LGR4: variants seen among roughly 807,000 people sequenced by gnomAD.
LGR4 encodes leucine rich repeat containing G protein-coupled receptor 4.
A neutral mutation model predicts 84.8 loss-of-function variants in LGR4; 44 were observed. The observed-to-expected ratio is 0.52, with a 90% confidence interval of 0.41 to 0.67. LGR4 has a LOEUF of 0.67. Ranked by LOEUF, LGR4 falls within the 30% of genes least tolerant of loss-of-function variation. The pLI, the probability that LGR4 is intolerant of heterozygous loss-of-function variation, is 0.00. For synonymous variants in LGR4, 429 were observed against 434.3 expected (o/e 0.99, Z 0.15); for missense variants, 1,032 against 1,131.4 (o/e 0.91, Z 1.26).
intron 13 of LGR4, among the ~76,000 whole-genome samples, chr11:27,375,679 T>C (rs529378534): frequency 3.5e-4 from 53 of 152,330 alleles, no homozygotes; most frequent in Non-Finnish European, 7.1e-4. Flanking sequence ...GGCCTGGCAG[T>C]GTTCAATTAA....
chr11:27,388,726 T>C (rs763687027), intron 4 of LGR4, among the ~76,000 whole-genome samples: 6 of 152,166 alleles, frequency 3.9e-5, no homozygotes, highest in Non-Finnish European at 8.8e-5. Flanking sequence ...ACCTGTATAA[T>C]CAAAAGATCT....
intron 1 of LGR4, among the ~76,000 whole-genome samples, chr11:27,445,485 G>A (rs1864374615): frequency 6.6e-6 from 1 of 152,090 alleles, no homozygotes; most frequent in Non-Finnish European, 1.5e-5. Flanking sequence ...AAAGCTCTTA[G>A]CATGATATCT....
At chr11:27,397,408 G>C (rs1863412064) in intron 2 of LGR4, among the ~76,000 whole-genome samples, 1 of 152,232 alleles carries the variant, frequency 6.6e-6, no homozygotes, top group African/African-American at 2.4e-5. Flanking sequence ...CATGAGCAGG[G>C]ACTAGGTCAT....
chr11:27,471,406 T>C (rs1255725175), intron 1 of LGR4, among the ~76,000 whole-genome samples: 2 of 152,212 alleles, frequency 1.3e-5, no homozygotes, highest in Non-Finnish European at 2.9e-5. Flanking sequence ...ATTCCTTCTT[T>C]AAAAGGCCTT....
intron 1 of LGR4, among the ~76,000 whole-genome samples, chr11:27,435,245 A>C (rs1392487851): frequency 3.3e-5 from 5 of 151,906 alleles, no homozygotes; most frequent in African/African-American, 1.2e-4. Context: ...AGGAAGGAGA[A>C]TAGCTTGAAC....
rs1214179391 is a variant in LGR4, at chr11:27,369,154, C to A, written c.1580-11G>T. 5 of 1,560,750 alleles carry A rather than the reference C, an allele frequency of 3.2e-6. No homozygotes were observed. The highest frequency in any genetic ancestry group is 1.4e-5 in the African/African-American group (1 of 72,660). ...AGGGCTTAAAAGCACCTAAAAAAAA[C>A]ACACACAGAGAGAGAGAAATAAAAG... On this transcript the variant is annotated splice_polypyrimidine_tract_variant and intron_variant, in intron 17 of 17. Coordinates refer to ENST00000379214, the MANE Select transcript of LGR4 (RefSeq NM_018490.5).
At chr11:27,447,631 A>G (rs139121695) in intron 1 of LGR4, among the ~76,000 whole-genome samples, 2,670 of 152,286 alleles carry the variant, frequency 0.018, 56 homozygotes, top group Middle Eastern at 0.037. Context: ...TTATTCCTTT[A>G]CATTCTTAAT....
At chr11:27,417,075 C>A (rs992199550) in intron 1 of LGR4, among the ~76,000 whole-genome samples, 1 of 152,064 alleles carries the variant, frequency 6.6e-6, no homozygotes, top group East Asian at 1.9e-4. Context: ...TTAAATATAC[C>A]GTGATTGACC....
At chr11:27,381,429 T>TCAC (rs1315251393) in intron 7 of LGR4, among the ~76,000 whole-genome samples, 2 of 152,202 alleles carry the variant, frequency 1.3e-5, no homozygotes, top group Non-Finnish European at 2.9e-5. Context: ...GCACAGTGGC[T>TCAC]CACGCCTGTA....
chr11:27,400,672 T>C (rs757454962), intron 2 of LGR4, among the ~76,000 whole-genome samples: 46 of 152,060 alleles, frequency 3.0e-4, no homozygotes, highest in Non-Finnish European at 5.3e-4. Context: ...CTAGCTAATT[T>C]TTGTATTTTT....
intron 1 of LGR4, among the ~76,000 whole-genome samples, chr11:27,448,974 T>C (rs1378547725): frequency 6.6e-6 from 1 of 152,154 alleles, no homozygotes; most frequent in Non-Finnish European, 1.5e-5. Flanking sequence ...TTTTTACATC[T>C]TTTCTGATTT....
rs568680202 is a variant in LGR4, at chr11:27,391,118, C to G, written c.377G>C (p.Arg126Pro). ...CAAAGACTGCAAAGCACTCAGCCCT[C>G]GAATGGCTTCACTGGGTACTGTTTT... Reference protein sequence around the residue: ...QLKTVPSEAIRGLSALQSLRL... With the variant: ...QLKTVPSEAIPGLSALQSLRL... The change falls in exon 4 of 18, where the codon CGA (arginine) becomes CCA (proline). Residue 126 changes from arginine (R) to proline (P), a missense_variant. Physicochemically the swap from Arg to Pro is moderately radical, Grantham distance 103 (BLOSUM62 -2). Transcript: ENST00000379214. The G allele has an allele frequency of 1.9e-6, 3 of 1,609,798 alleles. No homozygotes were observed. The Admixed American group carries it at 5.0e-5, about 27-fold the overall frequency.
intron 1 of LGR4, among the ~76,000 whole-genome samples, chr11:27,420,048 A>G (rs1447164299): frequency 6.6e-6 from 1 of 152,180 alleles, no homozygotes; most frequent in African/African-American, 2.4e-5. Flanking sequence ...TTGTATATTA[A>G]AAAGTGTGAA....
Position 27,472,338 on chromosome 11 carries a change from G to C in LGR4, c.-36C>G. 1 of 1,191,848 alleles carries C rather than the reference G, an allele frequency of 8.4e-7. No individual in the cohort carries two copies. Among genetic ancestry groups the C allele is most frequent in the Non-Finnish European group, 1.0e-6 (1 of 961,520 alleles). 73.8% of individuals were successfully genotyped at this position (1,191,848 alleles called of 1,614,324 possible). A position where few individuals can be genotyped will look rare whatever the true frequency, so the allele number is the denominator to read the frequency against. ...GCCTCCCGCGCCGGCCTCTCCCGCG[G>C]CGCTGCTCGCTCCGCTGCCCTCCGA... On this transcript the variant is annotated 5_prime_UTR_variant, in exon 1 of 18. Coordinates refer to ENST00000379214, the MANE Select transcript of LGR4 (RefSeq NM_018490.5).
chr11:27,382,523 T>A (rs1863116537), intron 6 of LGR4, among the ~76,000 whole-genome samples: 1 of 152,232 alleles, frequency 6.6e-6, no homozygotes, highest in Non-Finnish European at 1.5e-5. Flanking sequence ...GAATCATGTA[T>A]TACTGATGCA....
intron 13 of LGR4, among the ~76,000 whole-genome samples, chr11:27,374,738 G>A (rs935665338): frequency 3.9e-5 from 6 of 152,018 alleles, no homozygotes; most frequent in African/African-American, 1.2e-4. Context: ...TCCAAATCAC[G>A]AAAAGACCAG....
At chr11:27,392,570 A>G in intron 2 of LGR4, 52 bp from the exon 3 acceptor site, 6 of 1,445,958 alleles carry the variant, frequency 4.1e-6, no homozygotes, top group Non-Finnish European at 5.6e-6. Flanking sequence ...ATTCAGACTT[A>G]AAATTCAGAA....
intron 1 of LGR4, among the ~76,000 whole-genome samples, chr11:27,417,119 T>C (rs919355657): frequency 7.2e-5 from 11 of 152,148 alleles, no homozygotes; most frequent in African/African-American, 2.7e-4. Flanking sequence ...GCCCTCCTAT[T>C]TGTATTAGAT....
At chr11:27,436,932 G>A (rs952944948) in intron 1 of LGR4, among the ~76,000 whole-genome samples, 1 of 152,078 alleles carries the variant, frequency 6.6e-6, no homozygotes, top group Non-Finnish European at 1.5e-5. Flanking sequence ...GGGAGATGGA[G>A]GGATTTGAGG....
Sources: allele counts gnomAD v4.1 joint callset (sites outside exome capture counted in the v4.1 genomes callset), GRCh38; gene constraint gnomAD v4.1.1; transcripts MANE v1.5; gene names NCBI Gene and HGNC (gene_info 2026-07-23, HGNC 2026-07-21).